Variants in GABRA6 observed in about 807,000 individuals in gnomAD.
The protein encoded by GABRA6 is gamma-aminobutyric acid receptor subunit alpha-6.
In GABRA6, 45 loss-of-function variants were observed where a neutral mutation model predicts 47.3. The ratio of observed to expected loss-of-function variants is 0.95; its 90% CI spans 0.75 to 1.22. The LOEUF (loss-of-function observed/expected upper bound fraction) is 1.22, where lower values mean the gene tolerates loss of function less well. GABRA6 is among the 50% of genes most tolerant of loss of function. The probability of loss-of-function intolerance (pLI) is 0.00; values close to 1 mark genes in which losing one functional copy is unlikely to be tolerated. For synonymous variants in GABRA6, 219 were observed against 194.7 expected (o/e 1.12, Z -1.04); for missense variants, 583 against 549.3 (o/e 1.06, Z -0.61).
Position 161,701,551 on chromosome 5 carries a change from A to G in GABRA6, c.1140A>G (p.Pro380=), listed in dbSNP as rs1242181998. The change falls in exon 9 of 9, where the codon CCA becomes CCG. Residue 380 remains proline, a synonymous_variant. Transcript: ENST00000274545. ...LKKRITSLSL[P]IVSSSEANKV... is the part of the protein sequence containing the mutation. ...AAAGGATCACTTCTCTGTCTTTGCC[A>G]ATAGTTTCATCTTCCGAGGCCAATA... 1.9e-6 allele frequency: 3 copies of G among 1,614,080 alleles called. No individual in the cohort carries two copies. Among genetic ancestry groups the G allele is most frequent in the Non-Finnish European group, 1.7e-6 (2 of 1,180,034 alleles).
chr5:161,692,841 T>TC (rs2113076991), intron 8 of GABRA6, among the ~76,000 whole-genome samples: 1 of 152,312 alleles, frequency 6.6e-6, no homozygotes, highest in East Asian at 1.9e-4. Flanking sequence ...TAAGTTCTGG[T>TC]CCCCAGAGGT....
At chr5:161,686,487 C>G in intron 2 of GABRA6, 139 bp downstream of exon 2, 5 of 750,836 alleles carry the variant, frequency 6.7e-6, no homozygotes, top group Non-Finnish European at 1.2e-5. Context: ...ATGTTCCCAT[C>G]CAGTCTCTGC....
At position 161,701,527 on chromosome 5, in the gene GABRA6, A is replaced by G; in HGVS notation, c.1116A>G (p.Lys372=). Residue 372 remains lysine, a synonymous_variant, in exon 9 of 9, where the codon AAA becomes AAG. Coordinates refer to ENST00000274545, the MANE Select transcript of GABRA6 (RefSeq NM_000811.3). Reference sequence around the variant, plus strand: ...CTGACTCCAAATATCATCTGAAGAAAAGGATCACTTCTCTGTCTTTGCCAA... The same window carrying G: ...CTGACTCCAAATATCATCTGAAGAAGAGGATCACTTCTCTGTCTTTGCCAA... ...LHPDSKYHLK[K]RITSLSLPIV... is the part of the protein sequence containing the mutation. 1 of 1,614,186 alleles carries G rather than the reference A, an allele frequency of 6.2e-7. No individual in the cohort carries two copies. Among genetic ancestry groups the G allele is most frequent in the Non-Finnish European group, 8.5e-7 (1 of 1,180,038 alleles).
At position 161,685,845 on chromosome 5, in the gene GABRA6, A is replaced by T; in HGVS notation, c.-145A>T. ...CTGCAAATTTTTAGGCAACCTCTTT[A>T]TCTATTGGATTACTGACTTGAGGCA... On this transcript the variant is annotated 5_prime_UTR_variant, in exon 1 of 9. Transcript: ENST00000274545. The T allele has an allele frequency of 1.3e-6, 1 of 741,328 alleles. No homozygotes were observed. Among genetic ancestry groups the T allele is most frequent in the Non-Finnish European group, 2.5e-6 (1 of 405,924 alleles). The allele number at this position is 741,328 out of a possible 1,614,324, so 45.9% of individuals were successfully genotyped here. A position where few individuals can be genotyped will look rare whatever the true frequency, so the allele number is the denominator to read the frequency against.
At chr5:161,699,396 T>C (rs1047566825) in intron 8 of GABRA6, among the ~76,000 whole-genome samples, 4 of 152,250 alleles carry the variant, frequency 2.6e-5, no homozygotes, top group East Asian at 1.9e-4. Context: ...ATTTTAATAC[T>C]ATATTTAATA....
chr5:161,687,694 T>A (rs1473673521), intron 3 of GABRA6: 1 of 222,944 alleles, frequency 4.5e-6, no homozygotes, highest in Non-Finnish European at 9.4e-6. Flanking sequence ...ATAACTGTCT[T>A]TAAAGAGGTT....
Position 161,690,304 on chromosome 5 carries a change from G to C in GABRA6, c.777G>C (p.Gln259His), listed in dbSNP as rs755564181. ...GCATTATGACAGTCATTCTTTCCCA[G>C]GTGTCTTTCTGGATTAATAAGGAGT... ...TPCIMTVILS[Q>H]VSFWINKESV... The change falls in exon 7 of 9, where the codon CAG (glutamine) becomes CAC (histidine). Residue 259 changes from glutamine to histidine, a missense_variant. Transcript: ENST00000274545. The C allele has an allele frequency of 1.9e-6, 3 of 1,613,468 alleles. No individual in the cohort carries two copies. In the African/African-American group the frequency reaches 4.0e-5, roughly 22 times the overall value.
Position 161,689,198 on chromosome 5 carries a change from G to A in GABRA6, c.446+29G>A, listed in dbSNP as rs533256228. Reference sequence around the variant, plus strand: ...AGGTTTCTCCAATTCTATTTCCCCTGCCTAAATGATATGTCCATAATACTA... The same window carrying A: ...AGGTTTCTCCAATTCTATTTCCCCTACCTAAATGATATGTCCATAATACTA... On this transcript the variant is annotated intron_variant, in intron 4 of 8. Coordinates refer to ENST00000274545, the MANE Select transcript of GABRA6 (RefSeq NM_000811.3). 7.4e-6 allele frequency: 12 copies of A among 1,611,542 alleles called. No homozygotes were observed. The Admixed American group carries it at 1.5e-4, about 20-fold the overall frequency.
chr5:161,688,185 T>C (rs1261283979), intron 3 of GABRA6, among the ~76,000 whole-genome samples: 1 of 152,198 alleles, frequency 6.6e-6, no homozygotes, highest in Non-Finnish European at 1.5e-5. Context: ...ATTTTTAAAA[T>C]GTAATCACTG....
chr5:161,691,801 C>A (rs1754796719), intron 7 of GABRA6, 140 bp from the exon 8 acceptor site: 5 of 723,288 alleles, frequency 6.9e-6, no homozygotes, highest in East Asian at 2.6e-5. Flanking sequence ...TAATTATGAA[C>A]AATTATAATA....
intron 3 of GABRA6, 90 bp downstream of exon 3, chr5:161,687,093 T>A: frequency 9.7e-7 from 1 of 1,032,178 alleles, no homozygotes; most frequent in Admixed American, 1.7e-5. Flanking sequence ...GCCGCCAAGC[T>A]TGGCTCCAGA....
chr5:161,686,354 A>T lies in GABRA6; in HGVS notation c.157+6A>T, dbSNP rs755371389. 5.3e-5 allele frequency: 85 copies of T among 1,600,590 alleles called. No individual in the cohort carries two copies. In the South Asian group the frequency reaches 8.8e-4, roughly 17 times the overall value. On this transcript the variant is annotated splice_donor_region_variant and intron_variant, in intron 2 of 8. Transcript: ENST00000274545. ...GCTGCGGCCGGGATTTGGAGGTAAG[A>T]AGCTGCATCTTTGCTACACAAACAC...
rs527282086 is a variant in GABRA6, at chr5:161,694,209, G to T, written c.1086+2009G>T. ...CATATAAGTATATAATCTATATATT[G>T]TCCATAGGTCATCTATATATTAATA... On this transcript the variant is annotated intron_variant, in intron 8 of 8. Coordinates refer to ENST00000274545, the MANE Select transcript of GABRA6 (RefSeq NM_000811.3). Among the ~76,000 whole-genome samples the T allele has an allele frequency of 2.2e-4, 33 of 150,828 alleles. No individual in the cohort carries two copies. In the South Asian group the frequency reaches 6.9e-3, roughly 31 times the overall value.
In GABRA6 at chr5:161,685,768, C is replaced by T; in HGVS notation, c.-222C>T. ...GCAGGACATAATCTAAGACCACAAA[C>T]CACCTTGTTCCACGTGAGAAGGAAA... On this transcript the variant is annotated 5_prime_UTR_variant, in exon 1 of 9. Coordinates refer to ENST00000274545, the MANE Select transcript of GABRA6 (RefSeq NM_000811.3). 1 of 604,928 alleles carries T rather than the reference C, an allele frequency of 1.7e-6. No homozygotes were observed. The highest frequency in any genetic ancestry group is 3.1e-4 in the Middle Eastern group (1 of 3,212). The allele number at this position is 604,928 out of a possible 1,614,324, so 37.5% of individuals were successfully genotyped here.
intron 5 of GABRA6, 137 bp downstream of exon 5, chr5:161,689,473 T>A: frequency 2.0e-6 from 2 of 1,015,602 alleles, no homozygotes; most frequent in Non-Finnish European, 3.0e-6. Flanking sequence ...TACTTAATCA[T>A]TCTGTCAATC....
intron 5 of GABRA6, 26 bp downstream of exon 5, chr5:161,689,362 T>C (rs1478917389): frequency 6.4e-7 from 1 of 1,566,322 alleles, no homozygotes; most frequent in South Asian, 1.1e-5. Context: ...CTTCTGAGAG[T>C]CAAATAATAC....
intron 8 of GABRA6, among the ~76,000 whole-genome samples, chr5:161,698,278 A>G (rs1236163255): frequency 6.6e-6 from 1 of 152,158 alleles, no homozygotes; most frequent in Non-Finnish European, 1.5e-5. Context: ...AAAACAGAAA[A>G]TAAGAATATC....
Position 161,685,942 on chromosome 5 carries a change from G to A in GABRA6, c.-48G>A. The stretch of plus-strand genomic sequence containing the variant: ...TTGGCAGAGAAGAGCTGGCTAGCAG[G>A]GAGGACGACCCTAGGAGGGTGAATT... On this transcript the variant is annotated 5_prime_UTR_variant, in exon 1 of 9. Coordinates refer to ENST00000274545, the MANE Select transcript of GABRA6 (RefSeq NM_000811.3). The A allele has an allele frequency of 1.3e-6, 2 of 1,540,438 alleles. No homozygotes were observed. Among genetic ancestry groups the A allele is most frequent in the South Asian group, 1.1e-5 (1 of 89,952 alleles).
In GABRA6 at chr5:161,701,400, G is replaced by A. The variant is rs1043246997; in HGVS notation, c.1087-98G>A. ...TTTGACCTTACATAGAAAGTAAGTC[G>A]TCAATAAATATTTGTCAATGGTGAA... On this transcript the variant is annotated intron_variant, in intron 8 of 8. Coordinates refer to ENST00000274545, the MANE Select transcript of GABRA6 (RefSeq NM_000811.3). 1.2e-4 allele frequency: 154 copies of A among 1,313,984 alleles called. No individual in the cohort carries two copies. In the African/African-American group the frequency reaches 1.3e-3, roughly 11 times the overall value. 81.4% of individuals were successfully genotyped at this position (1,313,984 alleles called of 1,614,324 possible). A position where few individuals can be genotyped will look rare whatever the true frequency, so the allele number is the denominator to read the frequency against.
Sources: allele counts gnomAD v4.1 joint callset (sites outside exome capture counted in the v4.1 genomes callset), GRCh38; gene constraint gnomAD v4.1.1; transcripts MANE v1.5; gene names NCBI Gene and HGNC (gene_info 2026-07-23, HGNC 2026-07-21).